BABAM2: variants seen among roughly 807,000 people sequenced by gnomAD.
The protein encoded by BABAM2 is BRISC and BRCA1 A complex member 2, also known as BRISC and BRCA1-A complex member 2.
Under a neutral mutation model 54.7 loss-of-function variants are expected in BABAM2, and 31 were observed. The ratio of observed to expected loss-of-function variants is 0.57; its 90% CI spans 0.43 to 0.77. The LOEUF is 0.77. Among genes scored for constraint, BABAM2 ranks in the 30% least tolerant of loss-of-function variants. BABAM2 has a pLI of 0.00. For missense variants in BABAM2, 364 were observed against 455.8 expected (o/e 0.80, Z 1.83); for synonymous variants, 167 against 162.9 (o/e 1.03, Z -0.19).
chr2:27,975,801 A>G (rs1428794543), intron 3 of BABAM2, among the ~76,000 whole-genome samples: 1 of 152,142 alleles, frequency 6.6e-6, no homozygotes, highest in East Asian at 1.9e-4. Flanking sequence ...CAAATCATGT[A>G]TCTAACAGAG....
chr2:28,192,191 C>T (rs896518974), intron 7 of BABAM2, among the ~76,000 whole-genome samples: 17 of 152,094 alleles, frequency 1.1e-4, no homozygotes, highest in African/African-American at 3.6e-4. Context: ...CCCGCCACCA[C>T]GCCCAGCTAA....
chr2:28,206,623 C>T (rs1678873234), intron 7 of BABAM2, among the ~76,000 whole-genome samples: 1 of 152,158 alleles, frequency 6.6e-6, no homozygotes, highest in Non-Finnish European at 1.5e-5. Context: ...TTGTGTCTTT[C>T]CTTCGGCACA....
chr2:28,073,142 G>A (rs1664324047), intron 6 of BABAM2, among the ~76,000 whole-genome samples: 3 of 152,030 alleles, frequency 2.0e-5, no homozygotes, highest in South Asian at 2.1e-4. Flanking sequence ...GTAAGGTATC[G>A]TTCTAGATGA....
intron 7 of BABAM2, among the ~76,000 whole-genome samples, chr2:28,182,902 G>T (rs1675800695): frequency 6.6e-6 from 1 of 152,122 alleles, no homozygotes; most frequent in Non-Finnish European, 1.5e-5. Context: ...TGTGTGAAGT[G>T]TCCCTCGTGC....
At chr2:28,130,341 T>TA (rs1242789025) in intron 7 of BABAM2, among the ~76,000 whole-genome samples, 13 of 152,244 alleles carry the variant, frequency 8.5e-5, no homozygotes, top group Admixed American at 7.2e-4. Flanking sequence ...CAGCTGTTTA[T>TA]ACTCAAATAT....
chr2:27,993,675 C>T (rs369406392), intron 4 of BABAM2, among the ~76,000 whole-genome samples: 4 of 152,058 alleles, frequency 2.6e-5, no homozygotes, highest in East Asian at 1.9e-4. Flanking sequence ...TCTGACTTCC[C>T]GGTTTGAGGA....
intron 4 of BABAM2, among the ~76,000 whole-genome samples, chr2:28,020,593 G>T (rs1031873292): frequency 1.3e-5 from 2 of 151,966 alleles, no homozygotes; most frequent in Non-Finnish European, 2.9e-5. Flanking sequence ...TGTATATATA[G>T]ATTTATATCT....
At chr2:27,971,354 C>A (rs1386271217) in intron 3 of BABAM2, among the ~76,000 whole-genome samples, 1 of 152,076 alleles carries the variant, frequency 6.6e-6, no homozygotes, top group Non-Finnish European at 1.5e-5. Flanking sequence ...CTTGATTTAT[C>A]CTGCCAGTTT....
chr2:27,908,253 T>C (rs1328597815), intron 2 of BABAM2, among the ~76,000 whole-genome samples: 1 of 152,174 alleles, frequency 6.6e-6, no homozygotes, highest in African/African-American at 2.4e-5. Flanking sequence ...AGGTAGGTTC[T>C]CTTTTTTTAA....
At chr2:27,890,154 G>T, upstream of BABAM2, 1 of 1,055,210 alleles carries the variant, frequency 9.5e-7, no homozygotes, top group Non-Finnish European at 1.4e-6. The surrounding 1 kb of genome is among the most constrained non-coding windows in gnomAD (Gnocchi z 4.8). Flanking sequence ...AGCTAGCACT[G>T]TCTATCCCTG....
At chr2:28,216,530 A>G (rs1679933274) in intron 7 of BABAM2, among the ~76,000 whole-genome samples, 1 of 152,226 alleles carries the variant, frequency 6.6e-6, no homozygotes, top group African/African-American at 2.4e-5. Context: ...CTCTGTTTTC[A>G]TGCAGTATAA....
chr2:28,115,417 G>C (rs1668524347), intron 6 of BABAM2, among the ~76,000 whole-genome samples: 1 of 152,084 alleles, frequency 6.6e-6, no homozygotes, highest in Non-Finnish European at 1.5e-5. Context: ...ACGAGGTCAG[G>C]AGATCGAGAC....
chr2:28,144,997 C>T (rs145245491), intron 7 of BABAM2, among the ~76,000 whole-genome samples: 42 of 152,332 alleles, frequency 2.8e-4, no homozygotes, highest in African/African-American at 1.0e-3. Context: ...CCTGCATCAA[C>T]ATGAGGTTGG....
chr2:27,895,745 A>G (rs540272892), intron 2 of BABAM2, among the ~76,000 whole-genome samples: 1 of 151,592 alleles, frequency 6.6e-6, no homozygotes, highest in Non-Finnish European at 1.5e-5. Flanking sequence ...AACTATTACT[A>G]CTCTGGTGCT....
At chr2:28,255,035 C>G (rs950163270) in intron 10 of BABAM2, among the ~76,000 whole-genome samples, 1 of 152,072 alleles carries the variant, frequency 6.6e-6, no homozygotes, top group African/African-American at 2.4e-5. Context: ...CTGCACCCAG[C>G]CCAGATAAGG....
intron 7 of BABAM2, among the ~76,000 whole-genome samples, chr2:28,171,264 T>C (rs1400967436): frequency 1.3e-5 from 2 of 152,226 alleles, no homozygotes; most frequent in Non-Finnish European, 2.9e-5. Flanking sequence ...TGTACATACA[T>C]TGAAGACTAC....
At chr2:28,156,596 A>T (rs1160729617) in intron 7 of BABAM2, among the ~76,000 whole-genome samples, 7 of 152,182 alleles carry the variant, frequency 4.6e-5, no homozygotes, top group Admixed American at 2.6e-4. Flanking sequence ...ATCCTACAAA[A>T]TAATTAATTT....
chr2:28,276,022 G>A (rs955409), intron 10 of BABAM2, among the ~76,000 whole-genome samples: 11,389 of 134,226 alleles, frequency 0.085, 534 homozygotes, highest in African/African-American at 0.16. Flanking sequence ...AAAAAAAAAA[G>A]AAAGAAAGAA....
At chr2:28,045,595 C>A in intron 5 of BABAM2, 130 bp from the exon 6 acceptor site, 2 of 597,788 alleles carry the variant, frequency 3.3e-6, no homozygotes, top group Non-Finnish European at 5.5e-6. Flanking sequence ...TCTTTTCTTG[C>A]CTAACGTTAG....
Sources: gnomAD v4.1 joint callset for allele counts (sites outside exome capture counted in the v4.1 genomes callset) on GRCh38, gnomAD v4.1.1 for gene constraint, Gnocchi (gnomAD v3.1) non-coding constraint, MANE v1.5 for transcripts, NCBI Gene and HGNC (gene_info 2026-07-23, HGNC 2026-07-21) for gene names.